Variants in CALN1 observed in about 807,000 individuals in gnomAD.
CALN1 encodes the protein calcium-binding protein 8.
CALN1 carries 17 observed loss-of-function variants against 30.6 expected under a neutral mutation model. The ratio of observed to expected loss-of-function variants is 0.56; its 90% CI spans 0.38 to 0.83. The LOEUF (loss-of-function observed/expected upper bound fraction) is 0.83, where lower values mean the gene tolerates loss of function less well. Among genes scored for constraint, CALN1 ranks in the 40% least tolerant of loss-of-function variants. The pLI is 0.00. For synonymous variants in CALN1, 156 were observed against 131.4 expected (o/e 1.19, Z -1.28); for missense variants, 291 against 354.9 (o/e 0.82, Z 1.45).
chr7:72,302,451 A>G (rs1799337564), intron 2 of CALN1, among the ~76,000 whole-genome samples: 1 of 152,154 alleles, frequency 6.6e-6, no homozygotes, highest in Non-Finnish European at 1.5e-5. Flanking sequence ...GGAAAAACTA[A>G]TTTACACCCA....
intron 5 of CALN1, among the ~76,000 whole-genome samples, chr7:71,920,374 C>CACCT (rs1794882079): frequency 7.8e-6 from 1 of 127,996 alleles, no homozygotes; most frequent in Non-Finnish European, 1.6e-5. Context: ...CTTGCTCTGT[C>CACCT]ACCTAGGCTG....
At chr7:72,384,894 G>C (rs147990232) in intron 2 of CALN1, among the ~76,000 whole-genome samples, 168 of 152,126 alleles carry the variant, frequency 1.1e-3, no homozygotes, top group African/African-American at 3.9e-3. Flanking sequence ...AAATATTTGA[G>C]AACGCATATC....
At chr7:72,267,929 C>G (rs1021106637) in intron 3 of CALN1, among the ~76,000 whole-genome samples, 3 of 152,152 alleles carry the variant, frequency 2.0e-5, no homozygotes, top group African/African-American at 7.2e-5. Flanking sequence ...ATTGCTTGAG[C>G]CCAGAAGTGT....
intron 4 of CALN1, among the ~76,000 whole-genome samples, chr7:72,105,701 T>C (rs1807040679): frequency 6.7e-6 from 1 of 149,638 alleles, no homozygotes. Context: ...GTATGTGAAT[T>C]CTATCTCAAC....
At position 72,097,791 on chromosome 7, in the gene CALN1, G is replaced by A. The variant is rs192007059; in HGVS notation, c.388+8360C>T. Among the ~76,000 whole-genome samples, 185 of 151,942 alleles carry A rather than the reference G, an allele frequency of 1.2e-3. 1 individual carries two copies. The highest frequency in any genetic ancestry group is 4.2e-3 in the African/African-American group (174 of 41,416). On this transcript the variant is annotated intron_variant, in intron 4 of 6. Transcript: ENST00000395275. ...TGCAATGGCACAATCTCGGCTCACC[G>A]CAACCTCTGACTCCCAGGTTCAAGC...
At chr7:72,234,113 T>C (rs1248671306) in intron 3 of CALN1, among the ~76,000 whole-genome samples, 1 of 152,172 alleles carries the variant, frequency 6.6e-6, no homozygotes, top group Non-Finnish European at 1.5e-5. Flanking sequence ...AAGGAAACAG[T>C]AAGGTTGAGA....
intron 2 of CALN1, among the ~76,000 whole-genome samples, chr7:72,360,392 G>T (rs1191616022): frequency 6.6e-6 from 1 of 151,606 alleles, no homozygotes; most frequent in Non-Finnish European, 1.5e-5. Context: ...GGCTGTTTTT[G>T]GTACTATTTT....
chr7:72,105,930 C>T (rs1807074600), intron 4 of CALN1, among the ~76,000 whole-genome samples: 1 of 151,948 alleles, frequency 6.6e-6, no homozygotes, highest in Admixed American at 6.6e-5. Context: ...CCAGCCAGGC[C>T]TCTTTCCTCA....
intron 3 of CALN1, among the ~76,000 whole-genome samples, chr7:72,201,576 A>T (rs1196951386): frequency 6.6e-6 from 1 of 151,202 alleles, no homozygotes; most frequent in Non-Finnish European, 1.5e-5. Context: ...ACAGAGTGAG[A>T]CTCCATTTCG....
chr7:72,034,512 C>T (rs1449749571), intron 4 of CALN1, among the ~76,000 whole-genome samples: 1 of 150,890 alleles, frequency 6.6e-6, no homozygotes, highest in African/African-American at 2.4e-5. Context: ...CCAGGATGTG[C>T]CCGGGAACGG....
intron 1 of CALN1, among the ~76,000 whole-genome samples, chr7:72,411,031 G>A (rs781505470): frequency 7.9e-5 from 12 of 152,148 alleles, no homozygotes; most frequent in Admixed American, 7.2e-4. Flanking sequence ...ACAAATAATA[G>A]GTGAATTTAG....
chr7:72,126,834 A>C (rs977656424), intron 3 of CALN1, among the ~76,000 whole-genome samples: 1 of 152,010 alleles, frequency 6.6e-6, no homozygotes, highest in South Asian at 2.1e-4. Context: ...GAGGGATGAA[A>C]GACTATAATA....
chr7:71,936,376 G>A (rs894329920), intron 5 of CALN1, among the ~76,000 whole-genome samples: 27 of 150,156 alleles, frequency 1.8e-4, no homozygotes, highest in African/African-American at 6.4e-4. Context: ...CAGGCGCCTG[G>A]GCGACTGAGC....
At chr7:72,100,822 A>C (rs1353039126) in intron 4 of CALN1, among the ~76,000 whole-genome samples, 1 of 46,000 alleles carries the variant, frequency 2.2e-5, no homozygotes, top group South Asian at 1.5e-3. Context: ...TCCGTCTCAC[A>C]AAAAAAAAAA....
At chr7:71,814,822 T>A (rs1248439261) in intron 5 of CALN1, among the ~76,000 whole-genome samples, 1 of 151,250 alleles carries the variant, frequency 6.6e-6, no homozygotes, top group Non-Finnish European at 1.5e-5. Context: ...ATACAACATA[T>A]GAGTTAATCA....
chr7:72,389,593 TAA>T (rs888003525), intron 2 of CALN1, among the ~76,000 whole-genome samples: 5 of 152,148 alleles, frequency 3.3e-5, no homozygotes, highest in Admixed American at 6.5e-5. Context: ...TGCCCTGGGA[TAA>T]AAAGTCTCTT....
chr7:72,118,972 C>T (rs1282119884), intron 3 of CALN1, among the ~76,000 whole-genome samples: 1 of 152,140 alleles, frequency 6.6e-6, no homozygotes, highest in Non-Finnish European at 1.5e-5. Context: ...AGATTTCAAG[C>T]AGTATCTACG....
intron 3 of CALN1, among the ~76,000 whole-genome samples, chr7:72,191,875 C>T (rs76649345): frequency 0.028 from 4,219 of 152,254 alleles, 249 homozygotes; most frequent in East Asian, 0.26. Context: ...GCACGCTCCC[C>T]GCTAGGCTAG....
intron 3 of CALN1, among the ~76,000 whole-genome samples, chr7:72,263,765 C>A (rs1213393760): frequency 1.3e-5 from 2 of 152,142 alleles, no homozygotes; most frequent in Non-Finnish European, 2.9e-5. Context: ...AACTAGTGTT[C>A]ATTTATTCAA....
Sources: gnomAD v4.1 joint callset for allele counts (sites outside exome capture counted in the v4.1 genomes callset) on GRCh38, gnomAD v4.1.1 for gene constraint, MANE v1.5 for transcripts, NCBI Gene and HGNC (gene_info 2026-07-23, HGNC 2026-07-21) for gene names.